Variants in SLC6A5 observed in about 807,000 individuals in gnomAD.
SLC6A5 encodes sodium- and chloride-dependent glycine transporter 2.
A neutral mutation model predicts 90.5 loss-of-function variants in SLC6A5; 58 were observed. The observed-to-expected ratio is 0.64, with a 90% CI of 0.52 to 0.80. SLC6A5 has a LOEUF of 0.80. Ranked by LOEUF, SLC6A5 falls within the 30% of genes least tolerant of loss-of-function variation. The pLI, the probability that SLC6A5 is intolerant of heterozygous loss-of-function variation, is 0.00. For synonymous variants in SLC6A5, 427 were observed against 401.4 expected, an observed-to-expected ratio of 1.06 and a Z score of -0.76; for missense variants, 1,015 against 1,017.6, an observed-to-expected ratio of 1.00 and a Z score of 0.03.
intron 13 of SLC6A5, among the ~76,000 whole-genome samples, chr11:20,641,861 A>G (rs1853320582): frequency 6.6e-6 from 1 of 152,196 alleles, no homozygotes; most frequent in Non-Finnish European, 1.5e-5. Context: ...GGAGAAGGAC[A>G]GTGCTAACTG....
At chr11:20,605,693 G>T (rs1852565793) in intron 3 of SLC6A5, among the ~76,000 whole-genome samples, 1 of 152,248 alleles carries the variant, frequency 6.6e-6, no homozygotes, top group African/African-American at 2.4e-5. Context: ...TTGCCCGCCC[G>T]GGATCTGCGA....
intron 5 of SLC6A5, among the ~76,000 whole-genome samples, chr11:20,611,065 G>T (rs1437905186): frequency 1.3e-5 from 2 of 152,190 alleles, no homozygotes; most frequent in East Asian, 3.8e-4. Flanking sequence ...TGTTCCTATA[G>T]ATGAGATTTC....
chr11:20,641,731 A>T (rs1853318227), intron 13 of SLC6A5, among the ~76,000 whole-genome samples: 1 of 152,150 alleles, frequency 6.6e-6, no homozygotes, highest in Non-Finnish European at 1.5e-5. Flanking sequence ...TCACACAGGT[A>T]AATGTGTGTG....
Position 20,654,843 on chromosome 11 carries a change from A to G in SLC6A5, c.2369A>G (p.Asp790Gly), listed in dbSNP as rs752579694. Residue 790 changes from aspartate to glycine, a missense_variant, in exon 16 of 16, where the codon GAT becomes GGT. By Grantham distance (94) the Asp-to-Gly change is moderately conservative (BLOSUM62 -1). Around this residue, in one of 3 missense-constraint regions of SLC6A5, gnomAD observed 442 missense variants for 494.3 expected, o/e 0.89. Coordinates refer to ENST00000525748, the MANE Select transcript of SLC6A5 (RefSeq NM_004211.5). Reference protein sequence around the residue: ...SSLGLKLPVKDLELGTQC With the variant: ...SSLGLKLPVKGLELGTQC ...TTGGGACTCAAACTGCCAGTGAAGG[A>G]TTTGGAACTGGGCACTCAGTGCTAG... The G allele has an allele frequency of 2.5e-6, 4 of 1,614,058 alleles. No homozygotes were observed. In the African/African-American group the frequency reaches 4.0e-5, roughly 16 times the overall value.
chr11:20,640,697 TAA>T (rs34284603), intron 13 of SLC6A5, among the ~76,000 whole-genome samples: 94,529 of 148,116 alleles, frequency 0.64, 30,301 homozygotes, highest in East Asian at 0.88. Flanking sequence ...CTGTTTGAGG[TAA>T]AAAAAAAAAA....
At chr11:20,601,748 G>C in intron 2 of SLC6A5, 83 bp downstream of exon 2, 1 of 1,429,928 alleles carries the variant, frequency 7.0e-7, no homozygotes, top group South Asian at 1.2e-5. Flanking sequence ...GCGGGTGCAC[G>C]TATGCTGATG....
intron 2 of SLC6A5, among the ~76,000 whole-genome samples, chr11:20,602,095 A>G (rs559528882): frequency 2.0e-4 from 31 of 152,352 alleles, no homozygotes; most frequent in African/African-American, 7.0e-4. Context: ...ATGGAGGGGT[A>G]GGAGGATAAT....
At chr11:20,647,517 C>T (rs1359149942) in intron 14 of SLC6A5, among the ~76,000 whole-genome samples, 1 of 147,172 alleles carries the variant, frequency 6.8e-6, no homozygotes, top group East Asian at 2.0e-4. Flanking sequence ...GGAACATTTC[C>T]TATGGCACAT....
intron 14 of SLC6A5, among the ~76,000 whole-genome samples, chr11:20,651,958 A>G (rs1156592375): frequency 2.6e-5 from 4 of 151,934 alleles, no homozygotes; most frequent in South Asian, 2.1e-4. Context: ...AAAAACACCC[A>G]CTATCACCCC....
At chr11:20,612,111 A>T (rs554002733) in intron 5 of SLC6A5, among the ~76,000 whole-genome samples, 6 of 152,168 alleles carry the variant, frequency 3.9e-5, no homozygotes, top group African/African-American at 1.4e-4. Flanking sequence ...AGGGATTCTT[A>T]TTATTGTTTC....
intron 12 of SLC6A5, among the ~76,000 whole-genome samples, chr11:20,637,653 A>G (rs985820829): frequency 1.3e-5 from 2 of 152,200 alleles, no homozygotes; most frequent in African/African-American, 4.8e-5. Context: ...TCAAGGTTGC[A>G]GTGTGCTCTG....
In SLC6A5 at chr11:20,654,939, C is replaced by T. The variant is rs1853615329; in HGVS notation, c.*71C>T. On this transcript the variant is annotated 3_prime_UTR_variant, in exon 16 of 16. Coordinates refer to ENST00000525748, the MANE Select transcript of SLC6A5 (RefSeq NM_004211.5). ...TGCCTCCTCCTAATGTTTTCCATAG[C>T]TCTCCTCCCATTTTTCTTCATCTTT... 1 of 1,442,690 alleles carries T rather than the reference C, an allele frequency of 6.9e-7. No individual in the cohort carries two copies. Among genetic ancestry groups the T allele is most frequent in the Non-Finnish European group, 9.8e-7 (1 of 1,023,648 alleles). 89.4% of individuals were successfully genotyped at this position (1,442,690 alleles called of 1,614,324 possible).
At chr11:20,637,351 G>T in intron 12 of SLC6A5, 48 bp downstream of exon 12, 2 of 1,533,440 alleles carry the variant, frequency 1.3e-6, no homozygotes, top group South Asian at 2.2e-5. Context: ...AGGAGGGTGG[G>T]GGGCCAATAG....
In SLC6A5 at chr11:20,636,436, T is replaced by A. The variant is rs1853209725; in HGVS notation, c.1737+17T>A. The A allele has an allele frequency of 6.8e-7, 1 of 1,462,860 alleles. No homozygotes were observed. The allele number at this position is 1,462,860 out of a possible 1,614,324, so 90.6% of individuals were successfully genotyped here. A position where few individuals can be genotyped will look rare whatever the true frequency, so the allele number is the denominator to read the frequency against. On this transcript the variant is annotated intron_variant, in intron 11 of 15. Coordinates refer to ENST00000525748, the MANE Select transcript of SLC6A5 (RefSeq NM_004211.5). ...GACACTATGGTGAGCCCCTTTTCCATCAGTCTCTATCCCATGCTCCTCTTG... is the reference window on the plus strand; with the variant it reads ...GACACTATGGTGAGCCCCTTTTCCAACAGTCTCTATCCCATGCTCCTCTTG...
chr11:20,633,940 T>C (rs974869252), intron 10 of SLC6A5, among the ~76,000 whole-genome samples: 8 of 152,144 alleles, frequency 5.3e-5, no homozygotes, highest in East Asian at 1.9e-4. Context: ...GGTGCCATCT[T>C]GGCTCACTGC....
chr11:20,627,980 G>T lies in SLC6A5; in HGVS notation c.1396G>T (p.Val466Leu), dbSNP rs771986976. Residue 466 changes from valine (V) to leucine (L), a missense_variant and splice_region_variant, in exon 9 of 16, where the codon GTG becomes TTG. Val to Leu is a conservative substitution (Grantham distance 32, BLOSUM62 1). Transcript: ENST00000525748. ...PKWEKLTDATVWKDAATQIFF... is the reference protein window; with the variant it reads ...PKWEKLTDATLWKDAATQIFF... Reference sequence around the variant, plus strand: ...AATCTCTTTCCCTTTTGCCTCTCAGGTGTGGAAAGATGCTGCCACTCAGAT... The same window carrying T: ...AATCTCTTTCCCTTTTGCCTCTCAGTTGTGGAAAGATGCTGCCACTCAGAT... 7 of 1,613,008 alleles carry T rather than the reference G, an allele frequency of 4.3e-6. No individual in the cohort carries two copies. The South Asian group carries it at 7.7e-5, about 18-fold the overall frequency.
intron 7 of SLC6A5, among the ~76,000 whole-genome samples, chr11:20,625,927 T>G (rs1193976616): frequency 6.6e-6 from 1 of 152,246 alleles, no homozygotes; most frequent in Non-Finnish European, 1.5e-5. Context: ...AGACATTGTC[T>G]TTGTGTCTTC....
chr11:20,609,288 T>A (rs976578925), intron 5 of SLC6A5, among the ~76,000 whole-genome samples: 4 of 152,110 alleles, frequency 2.6e-5, no homozygotes, highest in Admixed American at 1.3e-4. Context: ...TTTTAATTTT[T>A]TTTTTTTTGG....
chr11:20,627,924 C>A lies in SLC6A5; in HGVS notation c.1396-56C>A, dbSNP rs963895270. 3.7e-6 allele frequency: 5 copies of A among 1,341,372 alleles called. No individual in the cohort carries two copies. The African/African-American group carries it at 7.2e-5, about 19-fold the overall frequency. 83.1% of individuals were successfully genotyped at this position (1,341,372 alleles called of 1,614,324 possible). A position where few individuals can be genotyped will look rare whatever the true frequency, so the allele number is the denominator to read the frequency against. ...ATGGCACTGGGTGTGTGACTCCTCT[C>A]CCCTGGCGCCAGTCTCCTTCATGGG... On this transcript the variant is annotated intron_variant, in intron 8 of 15. Coordinates refer to ENST00000525748, the MANE Select transcript of SLC6A5 (RefSeq NM_004211.5).
Sources: gnomAD v4.1 joint callset for allele counts (sites outside exome capture counted in the v4.1 genomes callset) on GRCh38, gnomAD v4.1.1 for gene constraint, gnomAD v4.1.1 regional missense constraint, MANE v1.5 for transcripts, NCBI Gene and HGNC (gene_info 2026-07-23, HGNC 2026-07-21) for gene names.